Variants in CFAP100 observed in about 807,000 individuals in gnomAD.
CFAP100 encodes cilia- and flagella-associated protein 100.
In CFAP100, 70 loss-of-function variants were observed where a neutral mutation model predicts 81.5. The observed-to-expected ratio is 0.86, with a 90% CI of 0.71 to 1.05. The LOEUF (loss-of-function observed/expected upper bound fraction) is 1.05. CFAP100 is among the 50% of genes least tolerant of loss of function. The pLI is 0.00. For missense variants in CFAP100, 811 were observed against 776.5 expected, an observed-to-expected ratio of 1.04 and a Z score of -0.53; for synonymous variants, 341 against 314.8, an observed-to-expected ratio of 1.08 and a Z score of -0.88.
At chr3:126,399,949 T>A (rs962476062) in intron 2 of CFAP100, among the ~76,000 whole-genome samples, 1 of 152,160 alleles carries the variant, frequency 6.6e-6, no homozygotes, top group African/African-American at 2.4e-5. Context: ...TGTGTTTGAT[T>A]GCTGATCATG....
At chr3:126,410,036 A>G (rs1389273366) in intron 3 of CFAP100, among the ~76,000 whole-genome samples, 1 of 152,158 alleles carries the variant, frequency 6.6e-6, no homozygotes, top group Non-Finnish European at 1.5e-5. Flanking sequence ...CCTCGTCTCT[A>G]CTAAAAGTAT....
chr3:126,409,069 G>A (rs776195341), intron 3 of CFAP100, among the ~76,000 whole-genome samples: 7 of 152,182 alleles, frequency 4.6e-5, no homozygotes, highest in Middle Eastern at 3.2e-3. Flanking sequence ...GATTACAGGC[G>A]TGAGCCACTG....
intron 15 of CFAP100, 50 bp from the exon 16 acceptor site, chr3:126,435,509 C>T (rs368365378): frequency 7.8e-6 from 12 of 1,529,580 alleles, no homozygotes; most frequent in Non-Finnish European, 1.1e-5. Context: ...GGAGATTACA[C>T]AACACCTTCC....
intron 3 of CFAP100, among the ~76,000 whole-genome samples, chr3:126,411,122 T>C (rs779802229): frequency 8.5e-5 from 13 of 152,198 alleles, no homozygotes; most frequent in Non-Finnish European, 1.3e-4. Flanking sequence ...GTCGAATGCT[T>C]TTTCTGCATC....
intron 13 of CFAP100, among the ~76,000 whole-genome samples, chr3:126,429,144 A>G: frequency 6.7e-6 from 1 of 148,320 alleles, no homozygotes; most frequent in South Asian, 2.1e-4. Context: ...AGAAAGGATT[A>G]CTGTTAATTC....
intron 3 of CFAP100, among the ~76,000 whole-genome samples, chr3:126,412,676 T>A (rs2083176668): frequency 6.6e-6 from 1 of 152,208 alleles, no homozygotes; most frequent in South Asian, 2.1e-4. Context: ...CTGCCATTTT[T>A]GGGGTGGGCT....
At chr3:126,420,335 T>C in intron 11 of CFAP100, 106 bp downstream of exon 11, 9 of 1,458,910 alleles carry the variant, frequency 6.2e-6, no homozygotes, top group Non-Finnish European at 7.4e-6. Flanking sequence ...GAAAGTGTGT[T>C]ACTCACAGTC....
chr3:126,420,362 C>T, intron 11 of CFAP100, 133 bp downstream of exon 11: 1 of 1,305,726 alleles, frequency 7.7e-7, no homozygotes, highest in East Asian at 2.4e-5. Context: ...CCAAGAAGGG[C>T]CAGACAGGGA....
rs769790115 is a variant in CFAP100 at position 126,435,620 on chromosome 3, C to T, written c.1690C>T (p.Arg564Trp). ...ACAGGAGGAGCATCTGCAGCGGGCCCGGGCGCGCGCCCAGGCTGAGATCAA... is the reference window on the plus strand; with the variant it reads ...ACAGGAGGAGCATCTGCAGCGGGCCTGGGCGCGCGCCCAGGCTGAGATCAA... ...ILQEEHLQRA[R>W]ARAQAEIKKK... is the part of the protein sequence containing the mutation. Residue 564 changes from arginine to tryptophan, a missense_variant, in exon 16 of 17, where the codon CGG becomes TGG. By Grantham distance (101) the Arg-to-Trp change is moderately radical. Coordinates refer to ENST00000352312, the MANE Select transcript of CFAP100 (RefSeq NM_182628.3). 8 of 1,612,204 alleles carry T rather than the reference C, an allele frequency of 5.0e-6. No individual in the cohort carries two copies. Among genetic ancestry groups the T allele is most frequent in the Middle Eastern group, 1.6e-4 (1 of 6,074 alleles).
chr3:126,407,135 A>G (rs991376404), intron 2 of CFAP100, 37 bp from the exon 3 acceptor site: 1 of 1,444,120 alleles, frequency 6.9e-7, no homozygotes, highest in Non-Finnish European at 9.7e-7. Context: ...GGGCCAGGGG[A>G]GTCACTGCTG....
chr3:126,406,664 C>A (rs576074486), intron 2 of CFAP100, among the ~76,000 whole-genome samples: 56 of 152,300 alleles, frequency 3.7e-4, no homozygotes, highest in Admixed American at 3.4e-3. Flanking sequence ...ATGGCTCTAG[C>A]TTCCAGGCAG....
At chr3:126,427,174 C>G (rs948354585) in intron 13 of CFAP100, among the ~76,000 whole-genome samples, 1 of 152,114 alleles carries the variant, frequency 6.6e-6, no homozygotes, top group Non-Finnish European at 1.5e-5. Context: ...TATGAAGAGT[C>G]AAAATACCCA....
At chr3:126,423,261 C>T (rs961219584) in intron 11 of CFAP100, 64 bp from the exon 12 acceptor site, 144 of 1,386,010 alleles carry the variant, frequency 1.0e-4, no homozygotes, top group Non-Finnish European at 1.4e-4. Flanking sequence ...CCTCTGTGCC[C>T]CCTCCCCTGG....
At chr3:126,419,556 A>T in intron 8 of CFAP100, 81 bp from the exon 9 acceptor site, 1 of 1,310,360 alleles carries the variant, frequency 7.6e-7, no homozygotes, top group Non-Finnish European at 1.1e-6. Flanking sequence ...GCCAGGATGG[A>T]GGGGTGGCCC....
intron 5 of CFAP100, among the ~76,000 whole-genome samples, chr3:126,417,412 T>C (rs2107604293): frequency 6.6e-6 from 1 of 152,366 alleles, no homozygotes; most frequent in African/African-American, 2.4e-5. Flanking sequence ...ATCAGAGTCC[T>C]GGCGCACAGG....
intron 13 of CFAP100, among the ~76,000 whole-genome samples, chr3:126,431,865 A>G (rs564098070): frequency 6.6e-6 from 1 of 152,282 alleles, no homozygotes; most frequent in South Asian, 2.1e-4. Context: ...CTGATTCAAT[A>G]GGCATGGGTC....
intron 3 of CFAP100, among the ~76,000 whole-genome samples, chr3:126,409,936 C>T (rs1429338164): frequency 6.6e-6 from 1 of 152,178 alleles, no homozygotes; most frequent in Non-Finnish European, 1.5e-5. Flanking sequence ...CACAGTGGCT[C>T]ACCCCTGTAA....
chr3:126,433,712 A>C, intron 14 of CFAP100: 1 of 188,298 alleles, frequency 5.3e-6, no homozygotes, highest in Non-Finnish European at 1.1e-5. Context: ...AGCCATGAGC[A>C]AGACAGCGCT....
At chr3:126,401,794 C>T (rs1345149876) in intron 2 of CFAP100, among the ~76,000 whole-genome samples, 4 of 152,120 alleles carry the variant, frequency 2.6e-5, no homozygotes, top group Non-Finnish European at 5.9e-5. Context: ...GGGAACATCC[C>T]TGCCAAACCC....
Sources: allele counts gnomAD v4.1 joint callset (sites outside exome capture counted in the v4.1 genomes callset), GRCh38; gene constraint gnomAD v4.1.1; transcripts MANE v1.5; gene names NCBI Gene and HGNC (gene_info 2026-07-23, HGNC 2026-07-21).